The following SOX30 variants were observed in gnomAD, a reference collection of about 807,000 sequenced individuals.
SOX30 encodes SRY-box transcription factor 30, also known as transcription factor SOX-30.
SOX30 carries 17 observed loss-of-function variants against 58.6 expected under a neutral mutation model. That is an observed-to-expected ratio of 0.29 (90% confidence interval 0.20 to 0.44). The LOEUF (loss-of-function observed/expected upper bound fraction) is 0.44. SOX30 is among the 20% of genes least tolerant of loss of function. The pLI, the probability that SOX30 is intolerant of heterozygous loss-of-function variation, is 1.00. For synonymous variants in SOX30, 421 were observed against 400.2 expected (o/e 1.05, Z -0.62); for missense variants, 951 against 965.8 (o/e 0.98, Z 0.20).
intron 3 of SOX30, among the ~76,000 whole-genome samples, chr5:157,641,937 GT>G (rs1462684019): frequency 1.3e-5 from 2 of 152,156 alleles, no homozygotes; most frequent in African/African-American, 4.8e-5. Flanking sequence ...ATATCTTAAT[GT>G]GATAAAAGTG....
rs532948508 is a variant in SOX30 at position 157,645,951 on chromosome 5, C to T, written c.1387+686G>A. Among the ~76,000 whole-genome samples the T allele has an allele frequency of 8.0e-5, 12 of 149,876 alleles. 1 individual carries two copies. The East Asian group carries it at 2.2e-3, about 27-fold the overall frequency. On this transcript the variant is annotated intron_variant, in intron 3 of 4. Transcript: ENST00000265007. Reference sequence around the variant, plus strand: ...AGCAGAATTGCTTGAACCCAGGAAGCGGAGGTTGTGGTGAGCTGAGATTGC... The same window carrying T: ...AGCAGAATTGCTTGAACCCAGGAAGTGGAGGTTGTGGTGAGCTGAGATTGC...
At chr5:157,670,841 A>C (rs1456650880) in intron 1 of SOX30, among the ~76,000 whole-genome samples, 1 of 152,222 alleles carries the variant, frequency 6.6e-6, no homozygotes, top group Non-Finnish European at 1.5e-5. Context: ...AAAGTCCGGA[A>C]GCAAGTCTTT....
chr5:157,653,024 T>C (rs952893320), upstream of SOX30, among the ~76,000 whole-genome samples: 2 of 152,250 alleles, frequency 1.3e-5, no homozygotes, highest in African/African-American at 4.8e-5. Flanking sequence ...CTACTACTGC[T>C]ACTATTAGAT....
chr5:157,648,765 T>G lies in SOX30; in HGVS notation c.1099A>C (p.Ile367Leu). The change falls in exon 2 of 5, where the codon ATC (isoleucine) becomes CTC (leucine). Residue 367 changes from isoleucine (I) to leucine (L), a missense_variant. By Grantham distance (5) the Ile-to-Leu change is conservative (BLOSUM62 2). Transcript: ENST00000265007. ...CACTCTAACCCAAGCTGGACACTGA[T>G]TTCTGCATTGTTGGCTGCTGGGTTA... ...KANPAANNAE[I>L]SVQLGLEWNK... 6.2e-7 allele frequency: 1 copy of G among 1,613,730 alleles called. No homozygotes were observed. The highest frequency in any genetic ancestry group is 8.5e-7 in the Non-Finnish European group (1 of 1,180,004).
At chr5:157,638,759 T>C in intron 3 of SOX30, 37 bp from the exon 4 acceptor site, 1 of 1,542,242 alleles carries the variant, frequency 6.5e-7, no homozygotes, top group Non-Finnish European at 8.7e-7. Flanking sequence ...AAGAATTAAC[T>C]GAGTCATTCC....
intron 4 of SOX30, among the ~76,000 whole-genome samples, chr5:157,638,012 G>C (rs997800947): frequency 6.6e-6 from 1 of 152,020 alleles, no homozygotes; most frequent in Admixed American, 6.6e-5. Context: ...TATGTAACAA[G>C]AGTCAGCTGG....
In SOX30 at chr5:157,651,448, C is replaced by G. The variant is rs562839509; in HGVS notation, c.631G>C (p.Val211Leu). The change falls in exon 1 of 5, where the codon GTG (valine) becomes CTG (leucine). Residue 211 changes from valine (V) to leucine (L), a missense_variant. Coordinates refer to ENST00000265007, the MANE Select transcript of SOX30 (RefSeq NM_178424.2). ...GKSPAAIREG[V>L]IKTEEPERLL... Reference sequence around the variant, plus strand: ...CTCTCGGGTTCCTCCGTTTTGATCACACCTTCTCGGATGGCTGCCGGGCTT... The same window carrying G: ...CTCTCGGGTTCCTCCGTTTTGATCAGACCTTCTCGGATGGCTGCCGGGCTT... 1 of 1,613,376 alleles carries G rather than the reference C, an allele frequency of 6.2e-7. No homozygotes were observed. The highest frequency in any genetic ancestry group is 1.1e-5 in the South Asian group (1 of 91,082).
intron 2 of SOX30, among the ~76,000 whole-genome samples, chr5:157,660,330 G>A (rs1412918410): frequency 6.6e-6 from 1 of 152,138 alleles, no homozygotes; most frequent in African/African-American, 2.4e-5. Flanking sequence ...GCCGAGGCTG[G>A]AGAATTGCTT....
Position 157,648,882 on chromosome 5 carries a change from G to A in SOX30, c.982C>T (p.Pro328Ser), listed in dbSNP as rs139570139. ...TGACCATTTCTGTCCTTACTGAAGG[G>A]AGTATCTGGTATGCCTACATGACAA... is the stretch of plus-strand genomic sequence containing the variant. ...LPSDAGIPDT[P>S]FSKDRNGHVK... Residue 328 changes from proline (P) to serine (S), a missense_variant, in exon 2 of 5, where the codon CCC (proline) becomes TCC (serine). Physicochemically the swap from Pro to Ser is moderately conservative, Grantham distance 74 (BLOSUM62 -1). Coordinates refer to ENST00000265007, the MANE Select transcript of SOX30 (RefSeq NM_178424.2). 1.9e-6 allele frequency: 3 copies of A among 1,609,262 alleles called. No individual in the cohort carries two copies. Among genetic ancestry groups the A allele is most frequent in the African/African-American group, 1.4e-5 (1 of 73,648 alleles).
Position 157,651,731 on chromosome 5 carries a change from T to C in SOX30, c.348A>G (p.Ser116=), listed in dbSNP as rs756930252. The C allele has an allele frequency of 6.4e-7, 1 of 1,566,858 alleles. No individual in the cohort carries two copies. Among genetic ancestry groups the C allele is most frequent in the Non-Finnish European group, 8.6e-7 (1 of 1,158,790 alleles). ...ACTCGGGCCTGGAGGTGGCGCCGTC[T>C]GACGCTGTCGGCGGCTGCAGGAGCC... is the stretch of plus-strand genomic sequence containing the variant. ...DLRLLQPPTA[S]DGATSRPELH... Residue 116 remains serine, a synonymous_variant, in exon 1 of 5, where the codon TCA becomes TCG. Coordinates refer to ENST00000265007, the MANE Select transcript of SOX30 (RefSeq NM_178424.2).
chr5:157,660,579 C>CT (rs1043692651), intron 2 of SOX30, among the ~76,000 whole-genome samples: 7 of 150,784 alleles, frequency 4.6e-5, no homozygotes, highest in Non-Finnish European at 5.9e-5. Flanking sequence ...TACAGTATCT[C>CT]TTTTTTTTTC....
intron 2 of SOX30, among the ~76,000 whole-genome samples, chr5:157,658,236 T>C (rs187259508): frequency 1.7e-3 from 254 of 152,366 alleles, no homozygotes; most frequent in African/African-American, 5.7e-3. Flanking sequence ...TTGCACTTTA[T>C]ACAACTAATC....
chr5:157,653,469 T>G (rs1759411483), upstream of SOX30, among the ~76,000 whole-genome samples: 1 of 152,162 alleles, frequency 6.6e-6, no homozygotes, highest in African/African-American at 2.4e-5. Flanking sequence ...AATAAATAAA[T>G]GAATAGCGAC....
intron 4 of SOX30, among the ~76,000 whole-genome samples, chr5:157,632,007 C>T (rs896450815): frequency 1.5e-5 from 2 of 135,710 alleles, no homozygotes; most frequent in African/African-American, 5.8e-5. Flanking sequence ...CATGCCACTG[C>T]ACTCCAGCCT....
intron 2 of SOX30, among the ~76,000 whole-genome samples, chr5:157,664,122 G>C (rs1249664798): frequency 6.7e-6 from 1 of 150,240 alleles, no homozygotes; most frequent in Non-Finnish European, 1.5e-5. Flanking sequence ...CCAAAAAAGA[G>C]CCCGCATTGC....
intron 2 of SOX30, among the ~76,000 whole-genome samples, chr5:157,662,144 G>T (rs1159768457): frequency 6.6e-6 from 1 of 152,102 alleles, no homozygotes; most frequent in East Asian, 1.9e-4. Flanking sequence ...GCATAAGGTT[G>T]TTCAAAATAT....
chr5:157,654,336 A>G (rs2113853314), upstream of SOX30, among the ~76,000 whole-genome samples: 1 of 152,368 alleles, frequency 6.6e-6, no homozygotes, highest in East Asian at 1.9e-4. Context: ...GGAAAAAATT[A>G]TATTTTCCCC....
intron 3 of SOX30, among the ~76,000 whole-genome samples, chr5:157,638,999 T>A (rs541223364): frequency 6.6e-6 from 1 of 152,314 alleles, no homozygotes; most frequent in African/African-American, 2.4e-5. Context: ...TGCTGCTGTA[T>A]CCCCAGGGTG....
chr5:157,653,869 A>C (rs1224370053), upstream of SOX30, among the ~76,000 whole-genome samples: 1 of 152,176 alleles, frequency 6.6e-6, no homozygotes, highest in African/African-American at 2.4e-5. Context: ...ACCCATAAAA[A>C]CTATTGAAGA....
Sources: allele counts gnomAD v4.1 joint callset (sites outside exome capture counted in the v4.1 genomes callset), GRCh38; gene constraint gnomAD v4.1.1; transcripts MANE v1.5; gene names NCBI Gene and HGNC (gene_info 2026-07-23, HGNC 2026-07-21).